DOK6: variants seen among roughly 807,000 people sequenced by gnomAD.
DOK6 encodes downstream of tyrosine kinase 6.
DOK6 carries 22 observed loss-of-function variants against 44.0 expected under a neutral mutation model. That is an observed-to-expected ratio of 0.50 (90% CI 0.36 to 0.71). The LOEUF (loss-of-function observed/expected upper bound fraction) is 0.71, where lower values mean the gene tolerates loss of function less well. DOK6 is among the 30% of genes least tolerant of loss of function. The pLI, the probability that DOK6 is intolerant of heterozygous loss-of-function variation, is 0.00. For synonymous variants in DOK6, 166 were observed against 145.5 expected (o/e 1.14, Z -1.01); for missense variants, 340 against 416.4 (o/e 0.82, Z 1.60).
chr18:69,746,805 T>TGGTGTTCTTCTTGAACATGAGAA (rs1979000141), intron 6 of DOK6, among the ~76,000 whole-genome samples: 2 of 152,188 alleles, frequency 1.3e-5, no homozygotes, highest in African/African-American at 2.4e-5. Context: ...ATAAGCCAAT[T>TGGTGTTCTTCTTGAACATGAGAA]GGTGTTCTTC....
At chr18:69,404,078 C>G (rs1380917752) in intron 1 of DOK6, among the ~76,000 whole-genome samples, 1 of 151,970 alleles carries the variant, frequency 6.6e-6, no homozygotes, top group African/African-American at 2.4e-5. Flanking sequence ...CTGTGATATT[C>G]TAATGGAGAA....
At chr18:69,749,318 A>C (rs764403056) in intron 6 of DOK6, among the ~76,000 whole-genome samples, 4 of 152,226 alleles carry the variant, frequency 2.6e-5, no homozygotes, top group Non-Finnish European at 4.4e-5. Flanking sequence ...GAACATTTAA[A>C]AAAATGAAGG....
chr18:69,706,770 G>A (rs1312774142), intron 5 of DOK6, among the ~76,000 whole-genome samples: 1 of 148,230 alleles, frequency 6.7e-6, no homozygotes, highest in Non-Finnish European at 1.5e-5. Flanking sequence ...ACCTATGAGT[G>A]AGAACATGCG....
chr18:69,442,290 T>C (rs758481069), intron 1 of DOK6, among the ~76,000 whole-genome samples: 1 of 152,180 alleles, frequency 6.6e-6, no homozygotes, highest in Non-Finnish European at 1.5e-5. Context: ...CTCACGCTGC[T>C]ATAAGGACAT....
rs1982259326 is a variant in DOK6 at position 69,842,746 on chromosome 18, T to G, written c.*1363T>G. The G allele has an allele frequency of 6.6e-6, 1 of 152,180 alleles. No homozygotes were observed. Among genetic ancestry groups the G allele is most frequent in the Non-Finnish European group, 1.5e-5 (1 of 68,040 alleles). The allele number at this position is 152,180 out of a possible 1,614,324, so 9.4% of individuals were successfully genotyped here. A position where few individuals can be genotyped will look rare whatever the true frequency, so the allele number is the denominator to read the frequency against. ...TGGCTAATTCAGGTCAACAAAGATA[T>G]ATTTGCCCTTAATTCTGGAGTTAAG... On this transcript the variant is annotated 3_prime_UTR_variant, in exon 8 of 8. Transcript: ENST00000382713.
At chr18:69,785,319 C>G (rs1005794326) in intron 7 of DOK6, among the ~76,000 whole-genome samples, 4 of 152,114 alleles carry the variant, frequency 2.6e-5, no homozygotes, top group African/African-American at 9.7e-5. Flanking sequence ...GCATTTGGTT[C>G]AGCAAAACAT....
chr18:69,649,944 T>A (rs2144661849), intron 3 of DOK6, among the ~76,000 whole-genome samples: 1 of 152,244 alleles, frequency 6.6e-6, no homozygotes, highest in East Asian at 1.9e-4. Context: ...CTTGACCCAC[T>A]GATCCTAAAA....
intron 5 of DOK6, among the ~76,000 whole-genome samples, chr18:69,719,332 T>G (rs923082754): frequency 6.6e-6 from 1 of 152,198 alleles, no homozygotes; most frequent in African/African-American, 2.4e-5. Flanking sequence ...CAGGACTGGT[T>G]GAGCAAGTTC....
intron 1 of DOK6, among the ~76,000 whole-genome samples, chr18:69,539,490 T>G (rs1280267243): frequency 6.8e-6 from 1 of 146,624 alleles, no homozygotes; most frequent in Non-Finnish European, 1.5e-5. Context: ...TTTCCACATA[T>G]AGTGATCCTC....
intron 5 of DOK6, among the ~76,000 whole-genome samples, chr18:69,715,001 C>T (rs1986851060): frequency 6.6e-6 from 1 of 152,096 alleles, no homozygotes; most frequent in Non-Finnish European, 1.5e-5. Context: ...ATATGAGACA[C>T]TCATTACCTA....
intron 1 of DOK6, among the ~76,000 whole-genome samples, chr18:69,547,924 A>AATATATAATATATATAATAT (rs1555712045): frequency 1.3e-4 from 19 of 144,450 alleles, no homozygotes; most frequent in African/African-American, 4.7e-4. Flanking sequence ...ATCTATATAT[A>AATATATAATATATATAATAT]ATATATAATA....
chr18:69,822,585 T>C (rs187036385), intron 7 of DOK6, among the ~76,000 whole-genome samples: 9 of 152,328 alleles, frequency 5.9e-5, no homozygotes, highest in Admixed American at 5.9e-4. Flanking sequence ...GAAAGAGACA[T>C]TATCTTTTTT....
At chr18:69,565,087 A>G (rs1451461059) in intron 2 of DOK6, among the ~76,000 whole-genome samples, 1 of 152,200 alleles carries the variant, frequency 6.6e-6, no homozygotes, top group Non-Finnish European at 1.5e-5. Context: ...TAAAATATCA[A>G]TCTCCTAAGA....
In DOK6 at chr18:69,712,137, C is replaced by T. The variant is rs113915621; in HGVS notation, c.599+13544C>T. ...TCTACTAAAAATACAAAAAATTAGC[C>T]GGGCGTAGTGGCGGGCGCCTGTAGT... On this transcript the variant is annotated intron_variant, in intron 5 of 7. Coordinates refer to ENST00000382713, the MANE Select transcript of DOK6 (RefSeq NM_152721.6). 4.8e-3 allele frequency among the ~76,000 whole-genome samples: 709 copies of T among 149,038 alleles called. 4 individuals carry two copies. Among genetic ancestry groups the T allele is most frequent in the African/African-American group, 0.016 (650 of 40,560 alleles).
intron 5 of DOK6, among the ~76,000 whole-genome samples, chr18:69,706,481 A>G (rs987494352): frequency 6.6e-6 from 1 of 152,120 alleles, no homozygotes; most frequent in Non-Finnish European, 1.5e-5. Context: ...TCTTATTTTT[A>G]AATTTCACAT....
intron 4 of DOK6, among the ~76,000 whole-genome samples, chr18:69,696,940 G>C (rs890602361): frequency 2.0e-5 from 3 of 152,132 alleles, no homozygotes; most frequent in Non-Finnish European, 4.4e-5. Context: ...CCATAGAATT[G>C]ATTGCAATTT....
At chr18:69,404,537 A>C (rs908156333) in intron 1 of DOK6, among the ~76,000 whole-genome samples, 1 of 152,212 alleles carries the variant, frequency 6.6e-6, no homozygotes, top group Admixed American at 6.5e-5. Context: ...CATCACCATC[A>C]TCACAGTCAT....
At chr18:69,444,189 T>G (rs1427729927) in intron 1 of DOK6, among the ~76,000 whole-genome samples, 1 of 152,134 alleles carries the variant, frequency 6.6e-6, no homozygotes, top group Non-Finnish European at 1.5e-5. Context: ...TCAAGTACAG[T>G]AGGCAGTTTA....
At chr18:69,434,142 G>T (rs1410903829) in intron 1 of DOK6, among the ~76,000 whole-genome samples, 1 of 152,178 alleles carries the variant, frequency 6.6e-6, no homozygotes, top group East Asian at 1.9e-4. Flanking sequence ...AAGTGTCTGG[G>T]AATCCTGGTG....
Sources: allele counts gnomAD v4.1 joint callset (sites outside exome capture counted in the v4.1 genomes callset), GRCh38; gene constraint gnomAD v4.1.1; transcripts MANE v1.5; gene names NCBI Gene and HGNC (gene_info 2026-07-23, HGNC 2026-07-21).